Variants in MAN1A1 observed in about 807,000 individuals in gnomAD.
The protein encoded by MAN1A1 is mannosyl-oligosaccharide 1,2-alpha-mannosidase IA.
Under a neutral mutation model 70.8 loss-of-function variants are expected in MAN1A1, and 29 were observed. That is an observed-to-expected ratio of 0.41 (90% CI 0.31 to 0.56). MAN1A1 has a LOEUF of 0.56. MAN1A1 is among the 20% of genes least tolerant of loss of function. MAN1A1 has a pLI of 0.29. For missense variants in MAN1A1, 747 were observed against 841.3 expected (o/e 0.89, Z 1.39); for synonymous variants, 349 against 330.1 (o/e 1.06, Z -0.62).
intron 2 of MAN1A1, among the ~76,000 whole-genome samples, chr6:119,331,584 T>TATATATATATAC (rs1554216783): frequency 1.5e-4 from 22 of 145,722 alleles, no homozygotes; most frequent in Admixed American, 6.8e-5. Context: ...TATATATATA[T>TATATATATATAC]ATATATATAT....
chr6:119,308,140 A>G (rs1772582679), intron 2 of MAN1A1, among the ~76,000 whole-genome samples: 1 of 152,188 alleles, frequency 6.6e-6, no homozygotes, highest in African/African-American at 2.4e-5. Flanking sequence ...TACCATTGTT[A>G]GGGAGATGAA....
Position 119,179,786 on chromosome 6 carries a change from G to A in MAN1A1, c.*33C>T. 4 of 1,589,220 alleles carry A rather than the reference G, an allele frequency of 2.5e-6. No homozygotes were observed. Among genetic ancestry groups the A allele is most frequent in the South Asian group, 2.2e-5 (2 of 90,228 alleles). ...GGAATTATTAAGGTATACAGTGAAG[G>A]GAATGGAGCAGAATAAAATATAAAA... is the stretch of plus-strand genomic sequence containing the variant. On this transcript the variant is annotated 3_prime_UTR_variant, in exon 13 of 13. Transcript: ENST00000368468.
At chr6:119,330,731 C>T (rs558333830) in intron 2 of MAN1A1, among the ~76,000 whole-genome samples, 1 of 152,244 alleles carries the variant, frequency 6.6e-6, no homozygotes, top group East Asian at 1.9e-4. Context: ...CTCTGGCTGC[C>T]CTGGGGACCT....
intron 2 of MAN1A1, among the ~76,000 whole-genome samples, chr6:119,333,962 G>C (rs569171223): frequency 6.6e-6 from 1 of 152,142 alleles, no homozygotes; most frequent in African/African-American, 2.4e-5. Context: ...TAATAGGACC[G>C]TAGTTAAAGC....
intron 2 of MAN1A1, among the ~76,000 whole-genome samples, chr6:119,329,134 T>C (rs1773235838): frequency 6.6e-6 from 1 of 152,206 alleles, no homozygotes; most frequent in African/African-American, 2.4e-5. Context: ...TCCACCCCCC[T>C]GGCCATAGAT....
chr6:119,203,681 A>G (rs1371894224), intron 7 of MAN1A1, among the ~76,000 whole-genome samples: 4 of 152,012 alleles, frequency 2.6e-5, no homozygotes, highest in Non-Finnish European at 2.9e-5. Context: ...GTTTACCAAG[A>G]AGAAGAACCA....
At chr6:119,224,576 C>T (rs957045060) in intron 6 of MAN1A1, among the ~76,000 whole-genome samples, 18 of 152,162 alleles carry the variant, frequency 1.2e-4, no homozygotes, top group African/African-American at 4.1e-4. Flanking sequence ...CTCAGAAGAA[C>T]GTAATATATC....
intron 5 of MAN1A1, among the ~76,000 whole-genome samples, chr6:119,263,068 C>A (rs149207242): frequency 6.6e-6 from 1 of 152,118 alleles, no homozygotes; most frequent in East Asian, 1.9e-4. Flanking sequence ...ATGCTTCCTG[C>A]CCTCAAACAT....
rs746047498 is a variant in MAN1A1 at position 119,193,810 on chromosome 6, C to T, written c.1293G>A (p.Leu431=). The change falls in exon 9 of 13, where the codon CTG becomes CTA. Residue 431 remains leucine (L), a synonymous_variant. Coordinates refer to ENST00000368468, the MANE Select transcript of MAN1A1 (RefSeq NM_005907.4). The stretch of plus-strand genomic sequence containing the variant: ...CATCAAAATACATCTTCTTAGCTTC[C>T]AGATCTGTCTTGTCAGACATTAACC... The part of the protein sequence containing the change: ...KAWLMSDKTD[L]EAKKMYFDAV... 8 of 1,613,466 alleles carry T rather than the reference C, an allele frequency of 5.0e-6. No individual in the cohort carries two copies. In the African/African-American group the frequency reaches 9.3e-5, roughly 19 times the overall value.
At chr6:119,296,032 C>T (rs1582778868) in intron 4 of MAN1A1, among the ~76,000 whole-genome samples, 2 of 152,124 alleles carry the variant, frequency 1.3e-5, no homozygotes, top group Non-Finnish European at 2.9e-5. Context: ...GCTTAGCATA[C>T]ACCTTTATTT....
At chr6:119,280,059 C>T (rs1316160366) in intron 5 of MAN1A1, among the ~76,000 whole-genome samples, 3 of 152,216 alleles carry the variant, frequency 2.0e-5, no homozygotes, top group Non-Finnish European at 2.9e-5. Flanking sequence ...TCCCAGACCA[C>T]GACTTCTGAG....
At chr6:119,252,659 G>T (rs1323217238) in intron 5 of MAN1A1, among the ~76,000 whole-genome samples, 1 of 152,096 alleles carries the variant, frequency 6.6e-6, no homozygotes, top group African/African-American at 2.4e-5. Context: ...GGGCGTGGTG[G>T]TACATGGCTG....
intron 5 of MAN1A1, among the ~76,000 whole-genome samples, chr6:119,285,513 C>A (rs898601372): frequency 2.0e-5 from 3 of 152,052 alleles, no homozygotes; most frequent in Non-Finnish European, 4.4e-5. Context: ...TATTTCAATT[C>A]TTCCTTTTAA....
chr6:119,281,167 G>A (rs1468141542), intron 5 of MAN1A1, among the ~76,000 whole-genome samples: 2 of 152,234 alleles, frequency 1.3e-5, no homozygotes, highest in African/African-American at 4.8e-5. Context: ...ATGTGTGTTA[G>A]TGAAGATTCA....
intron 6 of MAN1A1, 46 bp downstream of exon 6, chr6:119,248,214 G>T: frequency 1.6e-6 from 2 of 1,284,162 alleles, no homozygotes; most frequent in South Asian, 1.2e-5. Context: ...GCAACAATCT[G>T]GAATATTTCA....
chr6:119,277,810 G>T (rs1381830287), intron 5 of MAN1A1, among the ~76,000 whole-genome samples: 1 of 151,090 alleles, frequency 6.6e-6, no homozygotes, highest in Non-Finnish European at 1.5e-5. Flanking sequence ...GGTGGCGGGC[G>T]CCTGTAGTCC....
chr6:119,198,126 C>T (rs575636553), intron 8 of MAN1A1, among the ~76,000 whole-genome samples: 4 of 152,344 alleles, frequency 2.6e-5, no homozygotes, highest in African/African-American at 4.8e-5. Flanking sequence ...GCGTGGCTCA[C>T]GCCTGTAATT....
At chr6:119,306,571 T>G (rs1772530381) in intron 3 of MAN1A1, among the ~76,000 whole-genome samples, 1 of 152,186 alleles carries the variant, frequency 6.6e-6, no homozygotes, top group Admixed American at 6.5e-5. Context: ...GCCCACCAAG[T>G]GCTTCTATGC....
At chr6:119,328,194 C>G (rs1321973167) in intron 2 of MAN1A1, among the ~76,000 whole-genome samples, 1 of 152,168 alleles carries the variant, frequency 6.6e-6, no homozygotes, top group African/African-American at 2.4e-5. Context: ...CCAAGAAGAA[C>G]AGTAAGTCAC....
Sources: allele counts gnomAD v4.1 joint callset (sites outside exome capture counted in the v4.1 genomes callset), GRCh38; gene constraint gnomAD v4.1.1; transcripts MANE v1.5; gene names NCBI Gene and HGNC (gene_info 2026-07-23, HGNC 2026-07-21).